Variants in PHLPP1 observed in about 807,000 individuals in gnomAD.
PHLPP1 encodes PH domain and leucine rich repeat protein phosphatase 1, also known as PH domain leucine-rich repeat-containing protein phosphatase 1.
Under a neutral mutation model 117.2 loss-of-function variants are expected in PHLPP1, and 42 were observed. The ratio of observed to expected loss-of-function variants is 0.36; its 90% confidence interval spans 0.28 to 0.46. The LOEUF (loss-of-function observed/expected upper bound fraction) is 0.46. PHLPP1 is among the 20% of genes least tolerant of loss of function. PHLPP1 has a pLI of 1.00. For synonymous variants in PHLPP1, 1,042 were observed against 970.7 expected, an observed-to-expected ratio of 1.07 and a Z score of -1.37; for missense variants, 2,084 against 2,241.9, an observed-to-expected ratio of 0.93 and a Z score of 1.42.
rs1170887419 is a variant in PHLPP1, at chr18:62,733,183, A to G, written c.1576+15924A>G. Among the ~76,000 whole-genome samples the G allele has an allele frequency of 2.6e-5, 4 of 152,204 alleles. 1 individual carries two copies. The East Asian group carries it at 7.7e-4, about 29-fold the overall frequency. On this transcript the variant is annotated intron_variant, in intron 1 of 16. Coordinates refer to ENST00000262719, the MANE Select transcript of PHLPP1 (RefSeq NM_194449.4). ...AAAGGAATAGTTAGTTGAGCAGCAAACTTTATTGTCTTATTTCAAGAAATT... is the reference window on the plus strand; with the variant it reads ...AAAGGAATAGTTAGTTGAGCAGCAAGCTTTATTGTCTTATTTCAAGAAATT...
intron 6 of PHLPP1, among the ~76,000 whole-genome samples, chr18:62,899,091 C>T (rs566948043): frequency 6.6e-5 from 10 of 152,254 alleles, no homozygotes; most frequent in African/African-American, 2.2e-4. Flanking sequence ...TGAGCCACTG[C>T]GCCTGGCCTC....
chr18:62,941,973 TAGAA>T, intron 11 of PHLPP1, 55 bp downstream of exon 11: 1 of 1,391,360 alleles, frequency 7.2e-7, no homozygotes, highest in Non-Finnish European at 1.0e-6. Context: ...AGTGTATTCA[TAGAA>T]AGGTGAAGGC....
intron 12 of PHLPP1, among the ~76,000 whole-genome samples, chr18:62,956,180 A>G (rs1317430877): frequency 6.6e-6 from 1 of 152,198 alleles, no homozygotes; most frequent in Non-Finnish European, 1.5e-5. Flanking sequence ...CATGCCTTAG[A>G]CTGGATAATT....
chr18:62,972,267 A>G (rs1407544511), intron 14 of PHLPP1, among the ~76,000 whole-genome samples: 2 of 152,160 alleles, frequency 1.3e-5, no homozygotes, highest in Non-Finnish European at 2.9e-5. Flanking sequence ...ACTGACATTT[A>G]AAAATAAACT....
chr18:62,936,676 C>T (rs577234733), intron 10 of PHLPP1, among the ~76,000 whole-genome samples: 4 of 152,280 alleles, frequency 2.6e-5, no homozygotes, highest in African/African-American at 9.6e-5. Flanking sequence ...TTGCCAAAAA[C>T]GCATGACCTT....
At chr18:62,915,163 C>A (rs1018487432) in intron 9 of PHLPP1, among the ~76,000 whole-genome samples, 155 bp downstream of exon 9, 1 of 152,224 alleles carries the variant, frequency 6.6e-6, no homozygotes, top group African/African-American at 2.4e-5. Flanking sequence ...TCAAGTTACA[C>A]ACTTGCTTCA....
At chr18:62,968,946 C>T (rs1195097607) in intron 14 of PHLPP1, among the ~76,000 whole-genome samples, 1 of 151,988 alleles carries the variant, frequency 6.6e-6, no homozygotes, top group Non-Finnish European at 1.5e-5. Context: ...TTTGGTTTAT[C>T]GATTTTATTG....
Position 62,941,766 on chromosome 18 carries a change from A to G in PHLPP1, c.3009A>G (p.Pro1003=). The G allele has an allele frequency of 6.2e-7, 1 of 1,613,958 alleles. No homozygotes were observed. The highest frequency in any genetic ancestry group is 2.2e-5 in the East Asian group (1 of 44,890). ...ASANKLESLP[P]ATLSEETNSI... Reference sequence around the variant, plus strand: ...CGAACAAACTGGAAAGCCTTCCTCCAGCCACGCTTTCCGAAGAGACAAACA... The same window carrying G: ...CGAACAAACTGGAAAGCCTTCCTCCGGCCACGCTTTCCGAAGAGACAAACA... Residue 1003 remains proline (P), a synonymous_variant, in exon 11 of 17, where the codon CCA becomes CCG. Coordinates refer to ENST00000262719, the MANE Select transcript of PHLPP1 (RefSeq NM_194449.4).
rs1195203514 is a variant in PHLPP1, at chr18:62,903,176, A to G, written c.2647+10A>G. 3 of 1,573,140 alleles carry G rather than the reference A, an allele frequency of 1.9e-6. No homozygotes were observed. Among genetic ancestry groups the G allele is most frequent in the Non-Finnish European group, 2.6e-6 (3 of 1,145,822 alleles). On this transcript the variant is annotated intron_variant, in intron 7 of 16. Transcript: ENST00000262719. ...TATGCCTCTTCTAATGGTATGTATC[A>G]TAGGCTACATCAAAGTTGCTCTTTT...
At chr18:62,897,177 G>C (rs1285108529) in intron 6 of PHLPP1, among the ~76,000 whole-genome samples, 8 of 152,174 alleles carry the variant, frequency 5.3e-5, no homozygotes, top group Admixed American at 5.2e-4. Context: ...TAGTAAGAAT[G>C]AGATGATTTC....
chr18:62,880,075 C>A (rs1187075342), intron 4 of PHLPP1, among the ~76,000 whole-genome samples: 1 of 151,910 alleles, frequency 6.6e-6, no homozygotes, highest in Non-Finnish European at 1.5e-5. Context: ...AGGGTGAAAA[C>A]CATGTCTAAA....
intron 2 of PHLPP1, chr18:62,838,178 A>C (rs1914959863): frequency 6.6e-6 from 1 of 152,132 alleles, no homozygotes; most frequent in South Asian, 2.1e-4. Context: ...TTTTGGTTGT[A>C]ATTTCTCCTT....
At chr18:62,943,367 G>A (rs1599134107) in intron 11 of PHLPP1, among the ~76,000 whole-genome samples, 1 of 152,126 alleles carries the variant, frequency 6.6e-6, no homozygotes, top group Non-Finnish European at 1.5e-5. Flanking sequence ...ATTAAAGAAC[G>A]GGACCACCAT....
intron 1 of PHLPP1, among the ~76,000 whole-genome samples, chr18:62,751,978 A>G (rs904460943): frequency 2.0e-5 from 3 of 152,240 alleles, no homozygotes; most frequent in East Asian, 3.8e-4. Context: ...TTCAGGTCAT[A>G]TGAGGGTAGG....
At chr18:62,869,631 A>G (rs559446371) in intron 4 of PHLPP1, among the ~76,000 whole-genome samples, 1 of 152,344 alleles carries the variant, frequency 6.6e-6, no homozygotes, top group South Asian at 2.1e-4. Context: ...TTTTCTTTTA[A>G]AAAAGCAAAA....
At chr18:62,863,281 A>C (rs1484552078) in intron 4 of PHLPP1, among the ~76,000 whole-genome samples, 1 of 151,520 alleles carries the variant, frequency 6.6e-6, no homozygotes, top group African/African-American at 2.4e-5. Context: ...GCTCACAGCA[A>C]CCTTCGCCTC....
chr18:62,876,073 A>G (rs1261233238), intron 4 of PHLPP1, among the ~76,000 whole-genome samples: 1 of 152,156 alleles, frequency 6.6e-6, no homozygotes, highest in Non-Finnish European at 1.5e-5. Flanking sequence ...GTAATTTATC[A>G]TTGTATTTCT....
Position 62,792,868 on chromosome 18 carries a change from C to CAAAAAAAAAAAA in PHLPP1, c.1577-37154_1577-37143dup, listed in dbSNP as rs71160870. 1.5e-3 allele frequency among the ~76,000 whole-genome samples: 83 copies of CAAAAAAAAAAAA among 56,848 alleles called. 1 individual carries two copies. Among genetic ancestry groups the CAAAAAAAAAAAA allele is most frequent in the African/African-American group, 6.1e-3 (80 of 13,092 alleles). The allele number at this position is 56,848 out of a possible 152,430, so 37.3% of individuals were successfully genotyped here. A position where few individuals can be genotyped will look rare whatever the true frequency, so the allele number is the denominator to read the frequency against. ...TTGGTGAGAGAGCGAGCCTCTGTCT[C>CAAAAAAAAAAAA]AAAAAAAAAAAAAAAAAAAAAAAAG... is the stretch of plus-strand genomic sequence containing the variant. On this transcript the variant is annotated intron_variant, in intron 1 of 16. Coordinates refer to ENST00000262719, the MANE Select transcript of PHLPP1 (RefSeq NM_194449.4).
rs1332637334 is a variant in PHLPP1, at chr18:62,979,219, C to G, written c.4942C>G (p.Pro1648Ala). ...GGCTACAGACGCACCTCTTCGAAAG[C>G]CTGGAGGCTATTTTGCTGCCCCGGC... ...EVATDAPLRKPGGYFAAPAQP... is the reference protein window; with the variant it reads ...EVATDAPLRKAGGYFAAPAQP... Residue 1648 changes from proline (P) to alanine (A), a missense_variant, in exon 17 of 17, where the codon CCT becomes GCT. Physicochemically the swap from Pro to Ala is conservative, Grantham distance 27. Transcript: ENST00000262719. 6.2e-7 allele frequency: 1 copy of G among 1,609,426 alleles called. No individual in the cohort carries two copies. Among genetic ancestry groups the G allele is most frequent in the South Asian group, 1.1e-5 (1 of 90,102 alleles).
Sources: gnomAD v4.1 joint callset for allele counts (sites outside exome capture counted in the v4.1 genomes callset) on GRCh38, gnomAD v4.1.1 for gene constraint, MANE v1.5 for transcripts, NCBI Gene and HGNC (gene_info 2026-07-23, HGNC 2026-07-21) for gene names.